ZNF320: variants seen among roughly 807,000 people sequenced by gnomAD.
ZNF320 encodes the protein zinc finger protein 320.
In ZNF320, 2 loss-of-function variants were observed where a neutral mutation model predicts 6.8. The ratio of observed to expected loss-of-function variants is 0.29; its 90% confidence interval spans 0.12 to 0.93. The LOEUF (loss-of-function observed/expected upper bound fraction) is 0.93. Among genes scored for constraint, ZNF320 ranks in the 40% least tolerant of loss-of-function variants. The pLI is 0.55. For missense variants in ZNF320, 472 were observed against 611.0 expected (o/e 0.77, Z 2.40); for synonymous variants, 208 against 203.2 (o/e 1.02, Z -0.20).
At chr19:52,869,743 T>G (rs1001887048) in intron 5 of ZNF320, among the ~76,000 whole-genome samples, 15 of 151,790 alleles carry the variant, frequency 9.9e-5, no homozygotes, top group Non-Finnish European at 1.9e-4. Flanking sequence ...AGAGACAGAG[T>G]CTTCCTCTCT....
At chr19:52,875,253 G>A (rs2063744696), downstream of ZNF320, among the ~76,000 whole-genome samples, 1 of 152,318 alleles carries the variant, frequency 6.6e-6, no homozygotes, top group African/African-American at 2.4e-5. Flanking sequence ...TGGGGGTTTA[G>A]GAAGTCACTT....
At chr19:52,890,137 C>T (rs1400272894) in intron 4 of ZNF320, 104 bp downstream of exon 4, 4 of 1,521,010 alleles carry the variant, frequency 2.6e-6, no homozygotes, top group South Asian at 1.1e-5. Flanking sequence ...TGTGAGCAAA[C>T]CTGTCAGGCA....
At chr19:52,898,008 A>G (rs1323160980), upstream of ZNF320, among the ~76,000 whole-genome samples, 3 of 152,362 alleles carry the variant, frequency 2.0e-5, no homozygotes, top group East Asian at 5.8e-4. Flanking sequence ...CTGAGAAGTC[A>G]ACGTGAGGCG....
intron 1 of ZNF320, among the ~76,000 whole-genome samples, chr19:52,896,028 T>C (rs1260416001): frequency 6.6e-6 from 1 of 152,172 alleles, no homozygotes; most frequent in East Asian, 1.9e-4. Context: ...AATTTTGAAC[T>C]CATATCATAG....
At chr19:52,861,487 A>G (rs2063486715) in exon 6 of ZNF320, among the ~76,000 whole-genome samples, 1 of 152,220 alleles carries the variant, frequency 6.6e-6, no homozygotes, top group African/African-American at 2.4e-5. Flanking sequence ...ATTGTGTTAA[A>G]GAAACAAAAA....
intron 5 of ZNF320, among the ~76,000 whole-genome samples, chr19:52,870,927 A>G (rs536481013): frequency 2.6e-5 from 4 of 152,082 alleles, no homozygotes; most frequent in African/African-American, 9.6e-5. Context: ...GTGAAAAAAC[A>G]CAAGGTCAGG....
At chr19:52,887,221 G>A (rs543185839) in intron 5 of ZNF320, among the ~76,000 whole-genome samples, 4 of 152,144 alleles carry the variant, frequency 2.6e-5, no homozygotes, top group South Asian at 2.1e-4. Flanking sequence ...GTTTACACCT[G>A]TAATACATTC....
At chr19:52,865,502 ATATATATT>A (rs1323810583) in intron 5 of ZNF320, 16 of 137,482 alleles carry the variant, frequency 1.2e-4, no homozygotes, top group African/African-American at 2.0e-4. Context: ...TATATTATAC[ATATATATT>A]TATATATTAT....
At chr19:52,901,135 C>T (rs1489243874), upstream of ZNF320, among the ~76,000 whole-genome samples, 2 of 152,092 alleles carry the variant, frequency 1.3e-5, no homozygotes, top group East Asian at 3.9e-4. Context: ...TGGGTTATAA[C>T]ACACATCAGG....
intron 5 of ZNF320, among the ~76,000 whole-genome samples, chr19:52,883,470 T>G (rs372614061): frequency 2.0e-5 from 3 of 152,172 alleles, no homozygotes; most frequent in African/African-American, 7.2e-5. Context: ...TGCAGAATTC[T>G]AAACAATTCC....
chr19:52,899,602 A>G (rs372470886), upstream of ZNF320, among the ~76,000 whole-genome samples: 5 of 152,178 alleles, frequency 3.3e-5, no homozygotes, highest in African/African-American at 7.2e-5. Flanking sequence ...AGCTGGGACT[A>G]CAGGTGCTGC....
rs370958876 is a variant in ZNF320, at chr19:52,881,189, G to A, written c.937C>T (p.Arg313Ter). Residue 313 changes from arginine (R) to a stop codon, truncating the protein, a stop_gained, in exon 6 of 6, where the codon CGA becomes TGA. Coordinates refer to ENST00000682928, the MANE Select transcript of ZNF320 (RefSeq NM_001351774.2). LOFTEE classifies it low-confidence loss of function (END_TRUNC). ...CNECGKVFKQ[R>*]ATLAGHRRVH... The stretch of plus-strand genomic sequence containing the variant: ...CTACGATGTCCTGCAAGAGTTGCTC[G>A]TTGCTTAAAAACCTTGCCACATTCA... 6.8e-6 allele frequency: 11 copies of A among 1,613,536 alleles called. No individual in the cohort carries two copies. Among genetic ancestry groups the A allele is most frequent in the South Asian group, 1.1e-5 (1 of 91,040 alleles).
downstream of ZNF320, chr19:52,873,993 T>A: frequency 2.2e-6 from 1 of 462,874 alleles, no homozygotes; most frequent in Non-Finnish European, 4.3e-6. Context: ...TCACTTCACC[T>A]GAGGAAGAGC....
chr19:52,865,434 T>TTTTTTATATATATA (rs368584132), intron 5 of ZNF320: 2 of 152,780 alleles, frequency 1.3e-5, no homozygotes, highest in African/African-American at 6.3e-5. Context: ...GGTCCAGGCT[T>TTTTTTATATATATA]TATATATATA....
At chr19:52,888,085 C>T (rs1322237149) in intron 5 of ZNF320, 42 bp downstream of exon 5, 2 of 1,602,498 alleles carry the variant, frequency 1.2e-6, no homozygotes, top group Non-Finnish European at 1.7e-6. Context: ...TACAAAGATC[C>T]ACAAGGGCAC....
intron 5 of ZNF320, among the ~76,000 whole-genome samples, chr19:52,865,869 T>TTTATATATTATAC (rs2063551718): frequency 8.2e-6 from 1 of 121,810 alleles, no homozygotes; most frequent in Non-Finnish European, 1.6e-5. Context: ...ATTATACATA[T>TTTATATATTATAC]ATATTTATAT....
chr19:52,890,117 C>T, intron 4 of ZNF320, 124 bp downstream of exon 4: 1 of 1,426,642 alleles, frequency 7.0e-7, no homozygotes, highest in Non-Finnish European at 9.7e-7. Flanking sequence ...TGAGGGAAGG[C>T]ATGGGTGATT....
chr19:52,869,804 C>G (rs559302867), intron 5 of ZNF320, among the ~76,000 whole-genome samples: 1 of 152,122 alleles, frequency 6.6e-6, no homozygotes, highest in Non-Finnish European at 1.5e-5. Flanking sequence ...CAACTTCCGT[C>G]TAATGGTTTC....
intron 5 of ZNF320, chr19:52,865,484 A>ATATT (rs1568692792): frequency 7.8e-6 from 1 of 128,610 alleles, no homozygotes; most frequent in Non-Finnish European, 1.6e-5. Context: ...ATATATATAT[A>ATATT]ATACATATAT....
Sources: allele counts gnomAD v4.1 joint callset (sites outside exome capture counted in the v4.1 genomes callset), GRCh38; gene constraint gnomAD v4.1.1; transcripts MANE v1.5; gene names NCBI Gene and HGNC (gene_info 2026-07-23, HGNC 2026-07-21).